The following KCNH1 variants were observed in gnomAD, a reference collection of about 807,000 sequenced individuals.
The protein encoded by KCNH1 is voltage-gated delayed rectifier potassium channel KCNH1.
In KCNH1, 27 loss-of-function variants were observed where a neutral mutation model predicts 69.2. The ratio of observed to expected loss-of-function variants is 0.39; its 90% CI spans 0.29 to 0.54. The LOEUF (loss-of-function observed/expected upper bound fraction) is 0.54. Ranked by LOEUF, KCNH1 falls within the 20% of genes least tolerant of loss-of-function variation. The pLI is 0.68. For synonymous variants in KCNH1, 456 were observed against 487.7 expected, an observed-to-expected ratio of 0.93 and a Z score of 0.86; for missense variants, 798 against 1,261.6, an observed-to-expected ratio of 0.63 and a Z score of 5.57.
At position 210,845,896 on chromosome 1, in the gene KCNH1, T is replaced by A. The variant is rs576417798; in HGVS notation, c.1463-41730A>T. On this transcript the variant is annotated intron_variant, in intron 7 of 10. Coordinates refer to ENST00000271751, the MANE Select transcript of KCNH1 (RefSeq NM_172362.3). ...TTCAGCAAAGTCTCAGGATACAAAATCAATGTGCAAAAATCACAAGCATTC... is the reference window on the plus strand; with the variant it reads ...TTCAGCAAAGTCTCAGGATACAAAAACAATGTGCAAAAATCACAAGCATTC... 2.0e-3 allele frequency among the ~76,000 whole-genome samples: 309 copies of A among 152,290 alleles called. 3 individuals are homozygous for A. The highest frequency in any genetic ancestry group is 7.3e-3 in the African/African-American group (305 of 41,550).
intron 10 of KCNH1, among the ~76,000 whole-genome samples, chr1:210,715,955 C>T (rs754850638): frequency 2.0e-5 from 3 of 152,070 alleles, no homozygotes; most frequent in Non-Finnish European, 4.4e-5. Context: ...CCACCCTGGC[C>T]TTAGGGATAC....
At chr1:210,960,937 C>T (rs2102356243) in intron 6 of KCNH1, among the ~76,000 whole-genome samples, 1 of 152,282 alleles carries the variant, frequency 6.6e-6, no homozygotes, top group African/African-American at 2.4e-5. Context: ...TTTAACCATT[C>T]TAATAGGTAC....
At chr1:210,762,743 C>T (rs1237836226) in intron 10 of KCNH1, among the ~76,000 whole-genome samples, 1 of 151,908 alleles carries the variant, frequency 6.6e-6, no homozygotes, top group Non-Finnish European at 1.5e-5. Flanking sequence ...AACCTGCCAA[C>T]CAACAAAAGC....
intron 10 of KCNH1, among the ~76,000 whole-genome samples, chr1:210,693,621 A>ACT (rs3067945): frequency 0.095 from 14,393 of 152,254 alleles, 750 homozygotes; most frequent in Middle Eastern, 0.15. Context: ...TGAGCTGCAA[A>ACT]CTGCACCTCA....
At chr1:210,728,267 C>A (rs976212724) in intron 10 of KCNH1, among the ~76,000 whole-genome samples, 1 of 152,154 alleles carries the variant, frequency 6.6e-6, no homozygotes, top group African/African-American at 2.4e-5. Flanking sequence ...TCTTTAGTGA[C>A]AATCTTGGAG....
chr1:211,114,365 C>A (rs1691530290), intron 1 of KCNH1, among the ~76,000 whole-genome samples: 2 of 152,100 alleles, frequency 1.3e-5, no homozygotes, highest in Admixed American at 1.3e-4. Context: ...CTCGAGATAC[C>A]ACTTTATAGT....
chr1:210,722,021 C>A (rs552170857), intron 10 of KCNH1, among the ~76,000 whole-genome samples: 1 of 152,202 alleles, frequency 6.6e-6, no homozygotes, highest in South Asian at 2.1e-4. Context: ...ATCAATCCAC[C>A]AGTGGGCATG....
chr1:211,114,812 C>A (rs184512674), intron 1 of KCNH1, among the ~76,000 whole-genome samples: 3 of 152,234 alleles, frequency 2.0e-5, no homozygotes, highest in Admixed American at 2.0e-4. Flanking sequence ...CTAAGCAAAA[C>A]ATAATTAGCA....
At chr1:211,127,207 A>G (rs1346579108) in intron 1 of KCNH1, among the ~76,000 whole-genome samples, 1 of 152,204 alleles carries the variant, frequency 6.6e-6, no homozygotes, top group Non-Finnish European at 1.5e-5. Context: ...ACCGTAAGCT[A>G]GCCTTTGCTT....
chr1:211,077,583 T>G (rs904364705), intron 5 of KCNH1, among the ~76,000 whole-genome samples: 1 of 152,148 alleles, frequency 6.6e-6, no homozygotes, highest in Non-Finnish European at 1.5e-5. Flanking sequence ...CCACCAGGCC[T>G]GCCCTAAAAG....
rs367561961 is a variant in KCNH1, at chr1:211,089,233, C to A, written c.439+1329G>T. Among the ~76,000 whole-genome samples the A allele has an allele frequency of 1.8e-4, 27 of 152,258 alleles. 1 individual carries two copies. In the East Asian group the frequency reaches 3.1e-3, roughly 17 times the overall value. ...AGCAACTGGCCTTTCTATATGGTAA[C>A]AAGATGGTACTTAATCATGAGTGAA... On this transcript the variant is annotated intron_variant, in intron 4 of 10. Transcript: ENST00000271751.
intron 7 of KCNH1, among the ~76,000 whole-genome samples, chr1:210,848,714 G>A (rs1685615080): frequency 6.6e-6 from 1 of 152,114 alleles, no homozygotes. Context: ...AGGTTCTTAT[G>A]AGGCCCAAGC....
At chr1:210,979,637 A>G (rs968354827) in intron 6 of KCNH1, among the ~76,000 whole-genome samples, 1 of 151,978 alleles carries the variant, frequency 6.6e-6, no homozygotes, top group South Asian at 2.1e-4. Flanking sequence ...TATTTTTCTC[A>G]TGTCATTTTT....
At chr1:210,925,100 A>G (rs1687541506) in intron 6 of KCNH1, among the ~76,000 whole-genome samples, 1 of 152,232 alleles carries the variant, frequency 6.6e-6, no homozygotes, top group African/African-American at 2.4e-5. Flanking sequence ...AACATGAAAA[A>G]GCAAGAATGC....
chr1:210,693,173 G>A (rs528186023), intron 10 of KCNH1, among the ~76,000 whole-genome samples: 2 of 152,322 alleles, frequency 1.3e-5, no homozygotes, highest in East Asian at 1.9e-4. Flanking sequence ...AGCCTTAGTT[G>A]TCTTCTGTAC....
intron 6 of KCNH1, among the ~76,000 whole-genome samples, chr1:210,971,011 G>C (rs1166967120): frequency 2.6e-5 from 4 of 152,144 alleles, no homozygotes; most frequent in African/African-American, 9.7e-5. Context: ...CTCAAAAGAA[G>C]ACATTTATGC....
At chr1:211,092,781 A>G (rs1160381899) in intron 3 of KCNH1, among the ~76,000 whole-genome samples, 5 of 152,044 alleles carry the variant, frequency 3.3e-5, no homozygotes, top group African/African-American at 7.2e-5. Context: ...ACAGCTCTCA[A>G]TTGTACCCTA....
At chr1:211,039,617 C>T (rs1023237852) in intron 5 of KCNH1, among the ~76,000 whole-genome samples, 5 of 152,192 alleles carry the variant, frequency 3.3e-5, no homozygotes, top group South Asian at 2.1e-4. Flanking sequence ...CTTGCATCAG[C>T]GTGACCTGGA....
chr1:211,079,351 C>T (rs143139035), intron 5 of KCNH1, among the ~76,000 whole-genome samples: 98 of 152,200 alleles, frequency 6.4e-4, no homozygotes, highest in African/African-American at 2.0e-3. Flanking sequence ...AAAAACTCCA[C>T]GACCAGATGG....
Sources: allele counts gnomAD v4.1 joint callset (sites outside exome capture counted in the v4.1 genomes callset), GRCh38; gene constraint gnomAD v4.1.1; transcripts MANE v1.5; gene names NCBI Gene and HGNC (gene_info 2026-07-23, HGNC 2026-07-21).